Variants in ARMC9 observed in about 807,000 individuals in gnomAD.
ARMC9 encodes the protein armadillo repeat containing 9, also known as lisH domain-containing protein ARMC9.
A neutral mutation model predicts 107.0 loss-of-function variants in ARMC9; 94 were observed. The ratio of observed to expected loss-of-function variants is 0.88; its 90% confidence interval spans 0.74 to 1.04. ARMC9 has a LOEUF of 1.04. Among genes scored for constraint, ARMC9 ranks in the 50% least tolerant of loss-of-function variants. ARMC9 has a pLI of 0.00. For synonymous variants in ARMC9, 380 were observed against 396.9 expected (o/e 0.96, Z 0.51); for missense variants, 942 against 1,030.1 (o/e 0.91, Z 1.17).
intron 16 of ARMC9, among the ~76,000 whole-genome samples, chr2:231,279,446 G>A (rs1353620777): frequency 1.3e-5 from 2 of 151,804 alleles, no homozygotes; most frequent in Admixed American, 1.3e-4. Context: ...GGATACGATT[G>A]AGTACCACTT....
chr2:231,355,675 T>G, intron 21 of ARMC9, 123 bp from the exon 22 acceptor site: 11 of 1,220,298 alleles, frequency 9.0e-6, no homozygotes, highest in Non-Finnish European at 1.2e-5. Flanking sequence ...GATATGCTAA[T>G]GATGGTTTAA....
Position 231,276,274 on chromosome 2 carries a change from C to CT in ARMC9, c.1335-348dup, listed in dbSNP as rs577847028. ...ATATGCATTCACATTACTGTTTCTT[C>CT]TTTTTTTTTTTTTTGAGACAGAGTC... On this transcript the variant is annotated intron_variant, in intron 14 of 24. Coordinates refer to ENST00000611582, the MANE Select transcript of ARMC9 (RefSeq NM_001352754.2). 4.8e-3 allele frequency among the ~76,000 whole-genome samples: 684 copies of CT among 143,256 alleles called. 6 individuals are homozygous for CT. The highest frequency in any genetic ancestry group is 0.044 in the South Asian group (194 of 4,452). The allele number at this position is 143,256 out of a possible 152,430, so 94.0% of individuals were successfully genotyped here.
chr2:231,304,601 T>C (rs1020079430), intron 19 of ARMC9, among the ~76,000 whole-genome samples: 5 of 152,242 alleles, frequency 3.3e-5, no homozygotes, highest in African/African-American at 1.2e-4. Context: ...TTCACTATGT[T>C]GGCCAGGCTG....
intron 9 of ARMC9, chr2:231,256,007 T>C: frequency 1.5e-6 from 2 of 1,318,270 alleles, no homozygotes; most frequent in Non-Finnish European, 2.0e-6. Context: ...GCCACTGCTC[T>C]CCAGCCTGGG....
chr2:231,265,308 G>A (rs151054712), intron 12 of ARMC9, among the ~76,000 whole-genome samples: 1 of 152,086 alleles, frequency 6.6e-6, no homozygotes, highest in African/African-American at 2.4e-5. Context: ...GCACACACAC[G>A]TTTTCAGTTT....
intron 21 of ARMC9, among the ~76,000 whole-genome samples, chr2:231,347,831 C>T (rs115303833): frequency 0.02 from 3,062 of 152,274 alleles, 111 homozygotes; most frequent in African/African-American, 0.067. Context: ...AATCCTCTCT[C>T]CCTGCCTGCC....
intron 19 of ARMC9, among the ~76,000 whole-genome samples, chr2:231,328,394 T>G (rs1278001416): frequency 1.3e-5 from 2 of 152,192 alleles, no homozygotes; most frequent in African/African-American, 2.4e-5. Context: ...CCGAACAAGT[T>G]TTTAAGTTTT....
chr2:231,266,144 G>A (rs1160547042), intron 12 of ARMC9, among the ~76,000 whole-genome samples: 2 of 152,144 alleles, frequency 1.3e-5, no homozygotes, highest in African/African-American at 2.4e-5. Context: ...AATTGAATTC[G>A]TTGGTTCATT....
intron 14 of ARMC9, among the ~76,000 whole-genome samples, chr2:231,275,057 A>C (rs764045461): frequency 2.2e-4 from 34 of 152,184 alleles, no homozygotes; most frequent in Admixed American, 4.6e-4. Context: ...TGGTAATGCA[A>C]ATGTTTACTG....
intron 1 of ARMC9, among the ~76,000 whole-genome samples, chr2:231,201,800 C>T (rs1382554479): frequency 1.3e-5 from 2 of 152,194 alleles, no homozygotes; most frequent in Admixed American, 1.3e-4. Flanking sequence ...GCTGAAAGTG[C>T]CTGGAGAAGA....
At chr2:231,220,413 A>G (rs2033993387) in intron 5 of ARMC9, among the ~76,000 whole-genome samples, 1 of 152,012 alleles carries the variant, frequency 6.6e-6, no homozygotes, top group Non-Finnish European at 1.5e-5. Context: ...CCTGGCCAAC[A>G]TGGTGAAACC....
chr2:231,228,537 G>C (rs976540545), intron 7 of ARMC9, among the ~76,000 whole-genome samples: 3 of 152,236 alleles, frequency 2.0e-5, no homozygotes, highest in Non-Finnish European at 2.9e-5. Context: ...TCCCCAGAGA[G>C]AGCCAGGAGG....
chr2:231,327,125 T>C (rs2043378266), intron 19 of ARMC9, among the ~76,000 whole-genome samples: 1 of 152,146 alleles, frequency 6.6e-6, no homozygotes, highest in Admixed American at 6.5e-5. Flanking sequence ...CAAAGGACAG[T>C]CTAAGGTTGG....
chr2:231,262,538 G>A (rs2038467646), intron 12 of ARMC9, 140 bp downstream of exon 12: 3 of 802,758 alleles, frequency 3.7e-6, no homozygotes, highest in South Asian at 1.7e-5. Flanking sequence ...TGAGGTTCTG[G>A]GCATTGGCTT....
chr2:231,238,344 G>A (rs1021359016), intron 8 of ARMC9, among the ~76,000 whole-genome samples: 1 of 152,074 alleles, frequency 6.6e-6, no homozygotes, highest in Admixed American at 6.5e-5. Context: ...AGATGAAAAA[G>A]GTATGTTTTT....
At chr2:231,302,928 C>T (rs939750145) in intron 19 of ARMC9, among the ~76,000 whole-genome samples, 2 of 152,092 alleles carry the variant, frequency 1.3e-5, no homozygotes, top group African/African-American at 2.4e-5. Flanking sequence ...CGCCTGAACC[C>T]GGGATGCGGA....
Position 231,375,285 on chromosome 2 carries a change from C to T in ARMC9, c.*3750C>T, listed in dbSNP as rs181717729. ...TGGCTTAGGCTTGTTCACATGGTGGCCTCGGGGCTCCCATGGCAGTTAGAG... is the reference window on the plus strand; with the variant it reads ...TGGCTTAGGCTTGTTCACATGGTGGTCTCGGGGCTCCCATGGCAGTTAGAG... On this transcript the variant is annotated 3_prime_UTR_variant, in exon 25 of 25. Coordinates refer to ENST00000611582, the MANE Select transcript of ARMC9 (RefSeq NM_001352754.2). The surrounding 1 kb of genome is among the most constrained non-coding windows in gnomAD (Gnocchi z 4.3). 2.5e-3 allele frequency among the ~76,000 whole-genome samples: 387 copies of T among 152,256 alleles called. 3 individuals are homozygous for T. Among genetic ancestry groups the T allele is most frequent in the African/African-American group, 8.6e-3 (356 of 41,540 alleles).
chr2:231,310,017 T>C (rs2042246767), intron 19 of ARMC9, among the ~76,000 whole-genome samples: 1 of 152,220 alleles, frequency 6.6e-6, no homozygotes, highest in African/African-American at 2.4e-5. Context: ...CTGTTAATCG[T>C]GAGCAAGTAA....
intron 7 of ARMC9, among the ~76,000 whole-genome samples, chr2:231,233,017 G>C (rs894172833): frequency 1.3e-5 from 2 of 150,748 alleles, no homozygotes; most frequent in African/African-American, 4.9e-5. Flanking sequence ...CGCCTGGCTA[G>C]TTTTTGTATT....
Sources: allele counts gnomAD v4.1 joint callset (sites outside exome capture counted in the v4.1 genomes callset), GRCh38; gene constraint gnomAD v4.1.1; non-coding constraint Gnocchi (gnomAD v3.1); transcripts MANE v1.5; gene names NCBI Gene and HGNC (gene_info 2026-07-23, HGNC 2026-07-21).